Variants in PCDHA12 observed in about 807,000 individuals in gnomAD.
The protein encoded by PCDHA12 is protocadherin alpha-12.
PCDHA12 carries 44 observed loss-of-function variants against 60.0 expected under a neutral mutation model. The observed-to-expected ratio is 0.73, with a 90% CI of 0.58 to 0.94. The LOEUF (loss-of-function observed/expected upper bound fraction) is 0.94. Among genes scored for constraint, PCDHA12 ranks in the 40% least tolerant of loss-of-function variants. PCDHA12 has a pLI of 0.00. For synonymous variants in PCDHA12, 569 were observed against 553.0 expected, an observed-to-expected ratio of 1.03 and a Z score of -0.40; for missense variants, 1,276 against 1,239.7, an observed-to-expected ratio of 1.03 and a Z score of -0.44.
Position 140,947,404 on chromosome 5 carries a change from T to C in PCDHA12, c.2368-31545T>C, listed in dbSNP as rs1305199507. On this transcript the variant is annotated intron_variant, in intron 1 of 3. Transcript: ENST00000398631. ...ATCCTTTCACTAAAAGTAGACTGTC[T>C]TGATATTGTAGCTTTATAAATTTGA... is the stretch of plus-strand genomic sequence containing the variant. Among the ~76,000 whole-genome samples the C allele has an allele frequency of 2.6e-5, 4 of 151,736 alleles. No individual in the cohort carries two copies. In the East Asian group the frequency reaches 5.8e-4, roughly 22 times the overall value.
At chr5:141,005,285 A>T (rs1285354488) in intron 3 of PCDHA12, among the ~76,000 whole-genome samples, 1 of 152,218 alleles carries the variant, frequency 6.6e-6, no homozygotes, top group Non-Finnish European at 1.5e-5. Context: ...ATAAACAGAT[A>T]CATTTTTTGC....
At chr5:140,948,727 T>C (rs2094298087) in intron 1 of PCDHA12, among the ~76,000 whole-genome samples, 2 of 151,670 alleles carry the variant, frequency 1.3e-5, no homozygotes, top group Admixed American at 1.3e-4. Flanking sequence ...TATCAATAAG[T>C]CTAGCTGAGA....
chr5:140,922,883 T>G (rs963654982), intron 1 of PCDHA12, among the ~76,000 whole-genome samples: 2 of 152,134 alleles, frequency 1.3e-5, no homozygotes, highest in African/African-American at 2.4e-5. Flanking sequence ...TCCAAAGACA[T>G]CATTCAAGAA....
At chr5:140,966,968 G>T in intron 1 of PCDHA12, 1 of 1,602,616 alleles carries the variant, frequency 6.2e-7, no homozygotes. Context: ...GCTGGGGCTT[G>T]AGCTGCGGCG....
chr5:140,993,463 CACACA>C (rs1563592057), intron 3 of PCDHA12, among the ~76,000 whole-genome samples: 16 of 7,580 alleles, frequency 2.1e-3, no homozygotes, highest in African/African-American at 9.9e-3. Flanking sequence ...CTTTCTTTCT[CACACA>C]CACACACACA....
Position 140,877,640 on chromosome 5 carries a change from G to T in PCDHA12, c.2168G>T (p.Cys723Phe). The part of the protein sequence containing the change: ...LTLLLYTALR[C>F]SAPPTVSRCA... ...CTGCTGCTGTACACTGCGCTGCGTTGCTCAGCGCCGCCCACCGTGAGCCGG... is the reference window on the plus strand; with the variant it reads ...CTGCTGCTGTACACTGCGCTGCGTTTCTCAGCGCCGCCCACCGTGAGCCGG... The change falls in exon 1 of 4, where the codon TGC becomes TTC. Residue 723 changes from cysteine to phenylalanine, a missense_variant. Coordinates refer to ENST00000398631, the MANE Select transcript of PCDHA12 (RefSeq NM_018903.4). 1 of 1,613,622 alleles carries T rather than the reference G, an allele frequency of 6.2e-7. No homozygotes were observed.
intron 1 of PCDHA12, among the ~76,000 whole-genome samples, chr5:140,899,462 T>C (rs2067338282): frequency 6.6e-6 from 1 of 152,366 alleles, no homozygotes; most frequent in Admixed American, 6.5e-5. Context: ...GTGGTTTTTG[T>C]CTTTGGTTCT....
chr5:141,009,544 C>A (rs1236431515), intron 3 of PCDHA12, 83 bp from the exon 4 acceptor site: 1 of 1,534,390 alleles, frequency 6.5e-7, no homozygotes. Context: ...CCTGCCTATG[C>A]AGTACTCCTG....
intron 1 of PCDHA12, chr5:140,884,752 A>G (rs954313403): frequency 1.1e-5 from 16 of 1,429,736 alleles, no homozygotes; most frequent in East Asian, 2.5e-5. Context: ...CCAATTTCAA[A>G]TTATTCTTTA....
chr5:141,007,311 G>T (rs1268953957), intron 3 of PCDHA12, among the ~76,000 whole-genome samples: 1 of 151,596 alleles, frequency 6.6e-6, no homozygotes, highest in Non-Finnish European at 1.5e-5. Context: ...AGCATTTTGG[G>T]AGGCTAAAGT....
At position 140,927,034 on chromosome 5, in the gene PCDHA12, G is replaced by A. The variant is rs782732545; in HGVS notation, c.2367+49195G>A. ...CTCCGCGGACTTGAGGCTGCCAGCG[G>A]CCGCTATGTCCTCGCGGAACTTTCG... On this transcript the variant is annotated intron_variant, in intron 1 of 3. Coordinates refer to ENST00000398631, the MANE Select transcript of PCDHA12 (RefSeq NM_018903.4). 6 of 1,612,400 alleles carry A rather than the reference G, an allele frequency of 3.7e-6. No individual in the cohort carries two copies. The East Asian group carries it at 8.9e-5, about 24-fold the overall frequency.
intron 1 of PCDHA12, among the ~76,000 whole-genome samples, chr5:140,941,248 T>TTTCTTTC (rs2092963388): frequency 1.4e-5 from 2 of 141,492 alleles, no homozygotes; most frequent in African/African-American, 5.3e-5. Context: ...TCTTTCTTTC[T>TTTCTTTC]TTCTTTCTCT....
intron 3 of PCDHA12, among the ~76,000 whole-genome samples, chr5:141,005,089 A>G (rs1554259886): frequency 6.6e-6 from 1 of 152,244 alleles, no homozygotes; most frequent in East Asian, 1.9e-4. Context: ...TTAGTACTTT[A>G]CATGCATTAC....
chr5:140,969,168 C>T (rs1554231530), intron 1 of PCDHA12: 2 of 1,614,088 alleles, frequency 1.2e-6, no homozygotes, highest in Non-Finnish European at 1.7e-6. Flanking sequence ...ACAGCAGGCT[C>T]AGGGAGTGAC....
In PCDHA12 at chr5:140,877,777, C is replaced by T; in HGVS notation, c.2305C>T (p.Leu769Phe). ...CSAESPPKTDLMAFSPSLQLS... is the reference protein window; with the variant it reads ...CSAESPPKTDFMAFSPSLQLS... ...TGCAGAGAGCCCGCCCAAGACGGAC[C>T]TCATGGCCTTCAGCCCAAGCCTTCA... is the stretch of plus-strand genomic sequence containing the variant. Residue 769 changes from leucine (L) to phenylalanine (F), a missense_variant, in exon 1 of 4, where the codon CTC (leucine) becomes TTC (phenylalanine). Leu to Phe is a conservative substitution (Grantham distance 22). Transcript: ENST00000398631. 1 of 1,614,172 alleles carries T rather than the reference C, an allele frequency of 6.2e-7. No individual in the cohort carries two copies. The highest frequency in any genetic ancestry group is 1.1e-5 in the South Asian group (1 of 91,082).
chr5:140,877,097 T>A lies in PCDHA12; in HGVS notation c.1625T>A (p.Val542Glu). The stretch of plus-strand genomic sequence containing the variant: ...CAGGTGAGCGCGCGCGACGCCGGCG[T>A]GCCGCCTCTGGGCAGCAACGTGACG... ...QFQVSARDAG[V>E]PPLGSNVTLQ... Residue 542 changes from valine (V) to glutamate (E), a missense_variant, in exon 1 of 4, where the codon GTG becomes GAG. Transcript: ENST00000398631. The A allele has an allele frequency of 6.2e-7, 1 of 1,613,308 alleles. No homozygotes were observed. Among genetic ancestry groups the A allele is most frequent in the Non-Finnish European group, 8.5e-7 (1 of 1,179,824 alleles).
chr5:140,989,242 C>T (rs562894633), intron 3 of PCDHA12, among the ~76,000 whole-genome samples: 5 of 152,226 alleles, frequency 3.3e-5, no homozygotes, highest in African/African-American at 1.2e-4. Flanking sequence ...GTTTTAAGCC[C>T]CTTGTCAAAA....
chr5:140,969,343 G>A (rs2096321775), intron 1 of PCDHA12: 23 of 1,613,728 alleles, frequency 1.4e-5, no homozygotes, highest in Non-Finnish European at 1.9e-5. Flanking sequence ...TGAGACAGTG[G>A]TCAGGGGGTC....
chr5:140,957,792 T>C (rs148659760), intron 1 of PCDHA12, among the ~76,000 whole-genome samples: 1 of 152,230 alleles, frequency 6.6e-6, no homozygotes, highest in East Asian at 1.9e-4. Flanking sequence ...TCATCATATA[T>C]GTTAAGTAAA....
Sources: allele counts gnomAD v4.1 joint callset (sites outside exome capture counted in the v4.1 genomes callset), GRCh38; gene constraint gnomAD v4.1.1; transcripts MANE v1.5; gene names NCBI Gene and HGNC (gene_info 2026-07-23, HGNC 2026-07-21).